Variants in SHROOM3 observed in about 807,000 individuals in gnomAD.
SHROOM3 encodes the protein protein Shroom3.
SHROOM3 carries 47 observed loss-of-function variants against 138.6 expected under a neutral mutation model. The observed-to-expected ratio is 0.34, with a 90% CI of 0.27 to 0.43. The LOEUF is 0.43. SHROOM3 is among the 20% of genes least tolerant of loss of function. SHROOM3 has a pLI of 1.00. For missense variants in SHROOM3, 2,491 were observed against 2,596.5 expected (o/e 0.96, Z 0.88); for synonymous variants, 1,062 against 1,063.3 (o/e 1.00, Z 0.02).
chr4:76,619,693 G>A (rs1734955213), intron 2 of SHROOM3, among the ~76,000 whole-genome samples: 1 of 152,172 alleles, frequency 6.6e-6, no homozygotes, highest in Admixed American at 6.5e-5. Flanking sequence ...AGGAAAAGTG[G>A]TGAAGATTTG....
chr4:76,677,096 A>G (rs555847930), intron 2 of SHROOM3, among the ~76,000 whole-genome samples: 1 of 152,214 alleles, frequency 6.6e-6, no homozygotes, highest in Non-Finnish European at 1.5e-5. Flanking sequence ...AGGAAAAATC[A>G]TTCTAGAGAC....
intron 1 of SHROOM3, among the ~76,000 whole-genome samples, chr4:76,476,116 G>A (rs114113219): frequency 6.6e-6 from 1 of 152,208 alleles, no homozygotes; most frequent in African/African-American, 2.4e-5. Flanking sequence ...AGCAGAATAT[G>A]TCTATGATCA....
intron 3 of SHROOM3, among the ~76,000 whole-genome samples, chr4:76,729,879 G>C (rs1385703729): frequency 6.6e-6 from 1 of 152,204 alleles, no homozygotes; most frequent in African/African-American, 2.4e-5. Flanking sequence ...AGTACAATGA[G>C]TTGGAATAAT....
chr4:76,472,638 T>G (rs991480083), intron 1 of SHROOM3, among the ~76,000 whole-genome samples: 2 of 152,114 alleles, frequency 1.3e-5, no homozygotes, highest in Non-Finnish European at 2.9e-5. Flanking sequence ...GATTTGTATC[T>G]CAGTTTAAAA....
chr4:76,548,944 A>G (rs1157841488), intron 1 of SHROOM3, among the ~76,000 whole-genome samples: 1 of 152,226 alleles, frequency 6.6e-6, no homozygotes, highest in Admixed American at 6.5e-5. Context: ...TGGAATAAGT[A>G]AGTTCCATGC....
intron 1 of SHROOM3, among the ~76,000 whole-genome samples, chr4:76,555,188 C>T (rs1733458447): frequency 6.6e-6 from 1 of 152,122 alleles, no homozygotes. Flanking sequence ...ACACCCCATC[C>T]GTGGAAAAAT....
chr4:76,633,656 CAAAA>C (rs869138315), intron 2 of SHROOM3, among the ~76,000 whole-genome samples: 2 of 88,756 alleles, frequency 2.3e-5, no homozygotes, highest in African/African-American at 4.3e-5. Context: ...GACTCCGTCT[CAAAA>C]AAAAAAAAAA....
Position 76,756,828 on chromosome 4 carries a change from G to A in SHROOM3, c.5089G>A (p.Asp1697Asn), listed in dbSNP as rs1397506546. The stretch of plus-strand genomic sequence containing the variant: ...AGACTCCAGGCTGAAGACAACAATG[G>A]ACCTGATGGAAGGTTTGTTTCCCCG... ...DPDSRLKTTM[D>N]LMEGLFPRDV... Residue 1697 changes from aspartate to asparagine, a missense_variant, in exon 8 of 11, where the codon GAC (aspartate) becomes AAC (asparagine). Asp to Asn is a conservative substitution (Grantham distance 23). Coordinates refer to ENST00000296043, the MANE Select transcript of SHROOM3 (RefSeq NM_020859.4). The A allele has an allele frequency of 6.2e-7, 1 of 1,614,114 alleles. No homozygotes were observed.
In SHROOM3 at chr4:76,756,530, G is replaced by A; in HGVS notation, c.4791G>A (p.Leu1597=). Residue 1597 remains leucine, a synonymous_variant, in exon 8 of 11, where the codon CTG becomes CTA. Transcript: ENST00000296043. ...GAAHVVGSQT[L]ASRLQTSIKG... is the part of the protein sequence containing the mutation. ...CCCATGTGGTAGGTAGTCAGACACT[G>A]GCTTCCAGACTCCAAACTTCTATCA... The A allele has an allele frequency of 1.9e-6, 3 of 1,613,640 alleles. No homozygotes were observed. The highest frequency in any genetic ancestry group is 2.5e-6 in the Non-Finnish European group (3 of 1,179,978).
chr4:76,630,703 T>C (rs11722153), intron 2 of SHROOM3, among the ~76,000 whole-genome samples: 30,255 of 152,172 alleles, frequency 0.2, 3,292 homozygotes, highest in East Asian at 0.38. Context: ...AAAGAGAATG[T>C]AGGCGACTCT....
At position 76,749,100 on chromosome 4, in the gene SHROOM3, T is replaced by G. The variant is rs756561476; in HGVS notation, c.3827+10T>G. ...CTGGTCCTGGATCTAGGTATGTACA[T>G]GTACTTATGATGCTCTCTGCATATG... is the stretch of plus-strand genomic sequence containing the variant. On this transcript the variant is annotated intron_variant, in intron 6 of 10. Transcript: ENST00000296043. The G allele has an allele frequency of 1.2e-6, 2 of 1,611,630 alleles. No individual in the cohort carries two copies. Among genetic ancestry groups the G allele is most frequent in the Admixed American group, 3.3e-5 (2 of 59,992 alleles).
intron 1 of SHROOM3, among the ~76,000 whole-genome samples, chr4:76,512,379 G>A (rs904724155): frequency 6.6e-6 from 1 of 152,144 alleles, no homozygotes; most frequent in South Asian, 2.1e-4. Flanking sequence ...TTTTCAGAGA[G>A]GATCCTCTTC....
chr4:76,468,951 A>G (rs554467935), intron 1 of SHROOM3, among the ~76,000 whole-genome samples: 36 of 151,696 alleles, frequency 2.4e-4, no homozygotes, highest in Admixed American at 7.9e-4. Flanking sequence ...GGAGAATGGC[A>G]TGAACCTGGG....
intron 7 of SHROOM3, 47 bp from the exon 8 acceptor site, chr4:76,756,402 T>C (rs778421703): frequency 2.2e-4 from 343 of 1,538,754 alleles, no homozygotes; most frequent in Non-Finnish European, 2.9e-4. Context: ...TATCACTCTC[T>C]CTTTCTCTCT....
intron 1 of SHROOM3, among the ~76,000 whole-genome samples, chr4:76,497,010 T>C (rs986643734): frequency 6.6e-6 from 1 of 152,250 alleles, no homozygotes; most frequent in African/African-American, 2.4e-5. Flanking sequence ...GCTAGCATGG[T>C]GCCTTACATA....
chr4:76,592,410 G>A (rs1734293358), intron 2 of SHROOM3, among the ~76,000 whole-genome samples: 1 of 152,226 alleles, frequency 6.6e-6, no homozygotes, highest in South Asian at 2.1e-4. Flanking sequence ...GTACTTGTTA[G>A]CTGTCATCCA....
At chr4:76,733,103 T>C (rs1269201564) in intron 4 of SHROOM3, among the ~76,000 whole-genome samples, 2 of 152,162 alleles carry the variant, frequency 1.3e-5, no homozygotes, top group African/African-American at 4.8e-5. Flanking sequence ...AACCTTCTTA[T>C]GAAGCCCTAA....
intron 1 of SHROOM3, among the ~76,000 whole-genome samples, chr4:76,527,272 A>G (rs548466402): frequency 6.6e-6 from 1 of 152,174 alleles, no homozygotes. Flanking sequence ...GTTCTTCCTC[A>G]GTGAATAACC....
intron 3 of SHROOM3, among the ~76,000 whole-genome samples, chr4:76,722,282 G>T (rs1267331556): frequency 1.3e-5 from 2 of 152,138 alleles, no homozygotes; most frequent in Non-Finnish European, 2.9e-5. Flanking sequence ...TGACAGATTG[G>T]ATAAAGAAAA....
Sources: gnomAD v4.1 joint callset for allele counts (sites outside exome capture counted in the v4.1 genomes callset) on GRCh38, gnomAD v4.1.1 for gene constraint, MANE v1.5 for transcripts, NCBI Gene and HGNC (gene_info 2026-07-23, HGNC 2026-07-21) for gene names.